CD96: variants seen among roughly 807,000 people sequenced by gnomAD.
The protein encoded by CD96 is CD96 molecule.
CD96 carries 70 observed loss-of-function variants against 71.3 expected under a neutral mutation model. The ratio of observed to expected loss-of-function variants is 0.98; its 90% CI spans 0.81 to 1.20. The LOEUF is 1.20. CD96 is among the 50% of genes most tolerant of loss of function. The probability of loss-of-function intolerance (pLI) is 0.00; values close to 1 mark genes in which losing one functional copy is unlikely to be tolerated. For missense variants in CD96, 742 were observed against 677.5 expected (o/e 1.10, Z -1.06); for synonymous variants, 248 against 233.0 (o/e 1.06, Z -0.59).
chr3:111,623,719 C>T (rs769439181), intron 8 of CD96, 35 bp from the exon 9 acceptor site: 2 of 1,301,474 alleles, frequency 1.5e-6, no homozygotes, highest in Non-Finnish European at 1.1e-6. Flanking sequence ...AATGTAAATA[C>T]ATATAATAAT....
intron 8 of CD96, among the ~76,000 whole-genome samples, chr3:111,611,471 G>C (rs1437297199): frequency 6.6e-6 from 1 of 152,194 alleles, no homozygotes; most frequent in Non-Finnish European, 1.5e-5. Context: ...GTGTTAACAG[G>C]GGAACGCCAG....
intron 2 of CD96, among the ~76,000 whole-genome samples, chr3:111,566,973 G>A (rs1472029990): frequency 1.3e-5 from 2 of 152,110 alleles, no homozygotes; most frequent in African/African-American, 2.4e-5. Context: ...TGTAAACTAT[G>A]AACTTTGGGT....
intron 10 of CD96, among the ~76,000 whole-genome samples, chr3:111,627,364 C>T (rs1487907781): frequency 1.3e-5 from 2 of 152,208 alleles, no homozygotes; most frequent in South Asian, 2.1e-4. Flanking sequence ...AACACAGTTC[C>T]CCAGCACAGC....
At chr3:111,618,120 A>G (rs1406257516) in intron 8 of CD96, among the ~76,000 whole-genome samples, 2 of 152,088 alleles carry the variant, frequency 1.3e-5, no homozygotes, top group Non-Finnish European at 2.9e-5. Flanking sequence ...GCCAGACCCC[A>G]CGCTCACTCG....
intron 2 of CD96, among the ~76,000 whole-genome samples, chr3:111,556,698 A>G (rs986665980): frequency 6.8e-5 from 10 of 146,148 alleles, no homozygotes; most frequent in African/African-American, 2.6e-4. Context: ...AGCATGATTT[A>G]TAGTCATTTG....
chr3:111,635,525 GTGC>G (rs1939285896), intron 10 of CD96, among the ~76,000 whole-genome samples: 2 of 152,142 alleles, frequency 1.3e-5, no homozygotes, highest in East Asian at 3.8e-4. Flanking sequence ...ATTTGTAATT[GTGC>G]TGATGGTATC....
chr3:111,587,438 C>A (rs1936767178), intron 5 of CD96, among the ~76,000 whole-genome samples: 1 of 152,168 alleles, frequency 6.6e-6, no homozygotes, highest in African/African-American at 2.4e-5. Context: ...CAGGATACAG[C>A]CTCCCTCCTG....
chr3:111,584,593 A>C (rs1293272223), intron 4 of CD96, among the ~76,000 whole-genome samples: 3 of 152,224 alleles, frequency 2.0e-5, no homozygotes, highest in Admixed American at 2.0e-4. Context: ...TGCGTGGTGA[A>C]AGGTACTTCT....
At chr3:111,558,945 T>G (rs1258383817) in intron 2 of CD96, among the ~76,000 whole-genome samples, 1 of 152,200 alleles carries the variant, frequency 6.6e-6, no homozygotes, top group Non-Finnish European at 1.5e-5. Context: ...GGAGAGTGTA[T>G]GTGTCAAGGA....
intron 14 of CD96, among the ~76,000 whole-genome samples, chr3:111,663,273 G>T (rs750413749): frequency 6.6e-6 from 1 of 152,140 alleles, no homozygotes; most frequent in Non-Finnish European, 1.5e-5. Flanking sequence ...CACGATTCAA[G>T]CACCTCCCAC....
At chr3:111,548,054 C>T (rs1052713767) in intron 2 of CD96, among the ~76,000 whole-genome samples, 2 of 152,152 alleles carry the variant, frequency 1.3e-5, no homozygotes, top group African/African-American at 2.4e-5. Context: ...GTACAGTTTT[C>T]TTCTTATGCC....
At chr3:111,637,115 A>G in intron 10 of CD96, 81 bp from the exon 11 acceptor site, 1 of 780,590 alleles carries the variant, frequency 1.3e-6, no homozygotes, top group Non-Finnish European at 2.3e-6. Context: ...CCTTTTTTAT[A>G]ATTATTAGAT....
chr3:111,571,253 C>G (rs1328778637), intron 3 of CD96, among the ~76,000 whole-genome samples: 2 of 147,426 alleles, frequency 1.4e-5, no homozygotes, highest in Admixed American at 6.9e-5. Context: ...TCAAAAATCT[C>G]CAGCATCTAG....
intron 2 of CD96, among the ~76,000 whole-genome samples, chr3:111,555,641 G>A (rs1189482213): frequency 7.9e-5 from 12 of 152,278 alleles, no homozygotes; most frequent in African/African-American, 2.9e-4. Flanking sequence ...CCTTTCAATT[G>A]CTACTTTTAT....
chr3:111,583,129 T>C lies in CD96; in HGVS notation c.752-2194T>C, dbSNP rs140907937. Reference sequence around the variant, plus strand: ...ATTCAGTAAATACAACCATTCTAAATGGGAGAAATTGGCCAAAACAAAGGG... The same window carrying C: ...ATTCAGTAAATACAACCATTCTAAACGGGAGAAATTGGCCAAAACAAAGGG... On this transcript the variant is annotated intron_variant, in intron 4 of 13. Coordinates refer to ENST00000352690, the MANE Select transcript of CD96 (RefSeq NM_005816.5). 5.9e-3 allele frequency among the ~76,000 whole-genome samples: 902 copies of C among 152,344 alleles called. 11 individuals carry two copies. The highest frequency in any genetic ancestry group is 0.02 in the African/African-American group (847 of 41,578).
chr3:111,597,519 G>T (rs906259932), intron 5 of CD96, among the ~76,000 whole-genome samples: 2 of 152,132 alleles, frequency 1.3e-5, no homozygotes, highest in Non-Finnish European at 2.9e-5. Context: ...ACCACTGGGT[G>T]CCTTGATTTT....
At chr3:111,612,869 A>C in intron 8 of CD96, 7 of 964,400 alleles carry the variant, frequency 7.3e-6, no homozygotes, top group Non-Finnish European at 8.6e-6. Context: ...TGAAGATAAC[A>C]TTTCCTCAGT....
intron 2 of CD96, among the ~76,000 whole-genome samples, chr3:111,553,645 T>G (rs1934841137): frequency 6.6e-6 from 1 of 151,962 alleles, no homozygotes; most frequent in Non-Finnish European, 1.5e-5. Context: ...ATCAACTTAT[T>G]ATTTATTTGA....
At chr3:111,569,477 GTTAA>G (rs1935874129) in intron 3 of CD96, among the ~76,000 whole-genome samples, 2 of 152,144 alleles carry the variant, frequency 1.3e-5, no homozygotes, top group African/African-American at 2.4e-5. Flanking sequence ...TGAGAAAAAG[GTTAA>G]TTAAGTGAGA....
Sources: gnomAD v4.1 joint callset for allele counts (sites outside exome capture counted in the v4.1 genomes callset) on GRCh38, gnomAD v4.1.1 for gene constraint, MANE v1.5 for transcripts, NCBI Gene and HGNC (gene_info 2026-07-23, HGNC 2026-07-21) for gene names.